ADAMTSL1: variants seen among roughly 807,000 people sequenced by gnomAD.
ADAMTSL1 encodes the protein ADAMTS-like protein 1.
A neutral mutation model predicts 201.8 loss-of-function variants in ADAMTSL1; 126 were observed. The observed-to-expected ratio is 0.62, with a 90% CI of 0.54 to 0.72. The LOEUF (loss-of-function observed/expected upper bound fraction) is 0.72. ADAMTSL1 is among the 30% of genes least tolerant of loss of function. ADAMTSL1 has a pLI of 0.00. For synonymous variants in ADAMTSL1, 1,121 were observed against 903.4 expected (o/e 1.24, Z -4.32); for missense variants, 2,679 against 2,277.8 (o/e 1.18, Z -3.59).
chr9:18,307,309 A>G (rs1833947719), intron 2 of ADAMTSL1, among the ~76,000 whole-genome samples: 1 of 152,176 alleles, frequency 6.6e-6, no homozygotes, highest in East Asian at 1.9e-4. Context: ...ATAACCAGCT[A>G]CCATCATAAT....
chr9:18,182,344 A>C (rs995443063), intron 2 of ADAMTSL1, among the ~76,000 whole-genome samples: 2 of 152,170 alleles, frequency 1.3e-5, no homozygotes, highest in Non-Finnish European at 2.9e-5. Context: ...ACTAAAAACT[A>C]CTTAATTGTA....
At chr9:18,424,757 A>T (rs1819127511) in intron 2 of ADAMTSL1, among the ~76,000 whole-genome samples, 1 of 152,150 alleles carries the variant, frequency 6.6e-6, no homozygotes, top group African/African-American at 2.4e-5. Context: ...CTCATGTATG[A>T]TCAGGATGGG....
At chr9:18,370,555 T>C (rs1433759043) in intron 2 of ADAMTSL1, among the ~76,000 whole-genome samples, 3 of 152,238 alleles carry the variant, frequency 2.0e-5, no homozygotes, top group Non-Finnish European at 4.4e-5. Context: ...GCTGTTCATA[T>C]TTGTATTGAT....
chr9:18,662,043 A>G lies in ADAMTSL1; in HGVS notation c.1055A>G (p.Gln352Arg). ...AACATCAAACCCAAACCCAAGCTTCAGGAGTGCAACTTGGATCCTTGTCCA... is the reference window on the plus strand; with the variant it reads ...AACATCAAACCCAAACCCAAGCTTCGGGAGTGCAACTTGGATCCTTGTCCA... Reference protein sequence around the residue: ...PENIKPKPKLQECNLDPCPAS... With the variant: ...PENIKPKPKLRECNLDPCPAS... The change falls in exon 9 of 29, where the codon CAG becomes CGG. Residue 352 changes from glutamine to arginine, a missense_variant. Transcript: ENST00000380548. 2 of 1,614,044 alleles carry G rather than the reference A, an allele frequency of 1.2e-6. No homozygotes were observed. Among genetic ancestry groups the G allele is most frequent in the Non-Finnish European group, 1.7e-6 (2 of 1,179,918 alleles).
intron 1 of ADAMTSL1, among the ~76,000 whole-genome samples, chr9:18,153,881 A>G (rs1827030079): frequency 6.6e-6 from 1 of 152,034 alleles, no homozygotes; most frequent in Non-Finnish European, 1.5e-5. Flanking sequence ...GTGAAGAATG[A>G]CACCATCCAT....
intron 2 of ADAMTSL1, among the ~76,000 whole-genome samples, chr9:18,286,117 C>A (rs567129563): frequency 1.4e-4 from 21 of 152,118 alleles, no homozygotes; most frequent in Admixed American, 3.3e-4. Context: ...AGCATCATTT[C>A]TGTGTTGGAG....
In ADAMTSL1 at chr9:18,863,801, T is replaced by G. The variant is rs371164123; in HGVS notation, c.4250-24030T>G. On this transcript the variant is annotated intron_variant, in intron 23 of 28. Coordinates refer to ENST00000380548, the MANE Select transcript of ADAMTSL1 (RefSeq NM_001040272.6). ...GCTCAGTCACCCCATGGCCTTAGAG[T>G]GAGGCCCGTACACACCACATACCAC... 9.2e-5 allele frequency among the ~76,000 whole-genome samples: 14 copies of G among 152,112 alleles called. 1 individual carries two copies. Among genetic ancestry groups the G allele is most frequent in the Admixed American group, 7.2e-4 (11 of 15,282 alleles).
intron 9 of ADAMTSL1, among the ~76,000 whole-genome samples, chr9:18,662,376 G>C (rs1829157112): frequency 6.6e-6 from 1 of 152,016 alleles, no homozygotes. Flanking sequence ...TCCTTAACAA[G>C]GTCCAGGCCA....
At position 18,705,957 on chromosome 9, in the gene ADAMTSL1, C is replaced by G. The variant is rs181482735; in HGVS notation, c.1575-790C>G. On this transcript the variant is annotated intron_variant, in intron 13 of 28. Coordinates refer to ENST00000380548, the MANE Select transcript of ADAMTSL1 (RefSeq NM_001040272.6). ...CAGCCTGGGTGGGACCTCATGGGTT[C>G]TTGGCTTCATGCAGGAAGGAATTCA... Among the ~76,000 whole-genome samples, 199 of 152,256 alleles carry G rather than the reference C, an allele frequency of 1.3e-3. 2 individuals are homozygous for G. Among genetic ancestry groups the G allele is most frequent in the African/African-American group, 4.6e-3 (192 of 41,546 alleles).
intron 23 of ADAMTSL1, among the ~76,000 whole-genome samples, chr9:18,864,105 G>A (rs1394054790): frequency 6.6e-6 from 1 of 152,174 alleles, no homozygotes; most frequent in Non-Finnish European, 1.5e-5. Flanking sequence ...CCTTTAGAAA[G>A]CAGTTAAATA....
chr9:18,228,566 T>C, intron 2 of ADAMTSL1, among the ~76,000 whole-genome samples: 1 of 152,110 alleles, frequency 6.6e-6, no homozygotes, highest in East Asian at 1.9e-4. Flanking sequence ...ACTACAGGCA[T>C]GCACCACAAT....
At chr9:18,891,078 A>T (rs1445425823) in intron 25 of ADAMTSL1, among the ~76,000 whole-genome samples, 3 of 151,954 alleles carry the variant, frequency 2.0e-5, no homozygotes, top group African/African-American at 7.2e-5. Flanking sequence ...AGAGCAGGGA[A>T]GTGGCCACAA....
At chr9:18,656,580 G>C (rs1256329760) in intron 7 of ADAMTSL1, among the ~76,000 whole-genome samples, 3 of 140,956 alleles carry the variant, frequency 2.1e-5, no homozygotes, top group Admixed American at 1.5e-4. Flanking sequence ...AGTGAGCCGG[G>C]ATGGTGCCAC....
intron 14 of ADAMTSL1, among the ~76,000 whole-genome samples, chr9:18,720,584 G>C (rs945087746): frequency 6.6e-6 from 1 of 152,188 alleles, no homozygotes; most frequent in African/African-American, 2.4e-5. Context: ...AGGAGTTCGA[G>C]ACAGACTGAC....
intron 5 of ADAMTSL1, among the ~76,000 whole-genome samples, chr9:18,635,556 G>T (rs961677200): frequency 2.6e-5 from 4 of 152,110 alleles, no homozygotes; most frequent in Non-Finnish European, 4.4e-5. Context: ...CTCTGCTGGA[G>T]AGAAGTCCAG....
At position 18,339,318 on chromosome 9, in the gene ADAMTSL1, G is replaced by T. The variant is rs993315500; in HGVS notation, c.208-165511G>T. Among the ~76,000 whole-genome samples the T allele has an allele frequency of 6.6e-5, 10 of 152,250 alleles. No homozygotes were observed. The East Asian group carries it at 1.7e-3, about 26-fold the overall frequency. ...GGACATGAACAGACACTTTTCAAAA[G>T]ATGACATATATGTGGTCAACAAGCA... On this transcript the variant is annotated intron_variant, in intron 2 of 29. Coordinates refer to the ADAMTSL1 transcript ENST00000680146.
rs145618718 is a variant in ADAMTSL1, at chr9:18,512,840, C to G, written c.191+7884C>G. ...CTCCTTTTTTACAGTGCTTAGCACA[C>G]AGCAGACATTCAAATGTTTAATAAT... On this transcript the variant is annotated intron_variant, in intron 2 of 28. Coordinates refer to ENST00000380548, the MANE Select transcript of ADAMTSL1 (RefSeq NM_001040272.6). Among the ~76,000 whole-genome samples the G allele has an allele frequency of 1.3e-3, 204 of 152,258 alleles. 1 individual carries two copies. Among genetic ancestry groups the G allele is most frequent in the African/African-American group, 4.7e-3 (197 of 41,556 alleles).
At chr9:18,082,510 C>T (rs1479119954) in intron 1 of ADAMTSL1, among the ~76,000 whole-genome samples, 2 of 152,126 alleles carry the variant, frequency 1.3e-5, no homozygotes, top group Non-Finnish European at 2.9e-5. Context: ...CAGGGTTTCA[C>T]CATGTTGGCA....
intron 17 of ADAMTSL1, among the ~76,000 whole-genome samples, chr9:18,773,074 G>A (rs1055526548): frequency 6.6e-6 from 1 of 152,116 alleles, no homozygotes; most frequent in African/African-American, 2.4e-5. Context: ...CCATTCCCCT[G>A]GCCGTCTGGC....
Sources: allele counts gnomAD v4.1 joint callset (sites outside exome capture counted in the v4.1 genomes callset), GRCh38; gene constraint gnomAD v4.1.1; transcripts MANE v1.5; gene names NCBI Gene and HGNC (gene_info 2026-07-23, HGNC 2026-07-21).